The following STAMBP variants were observed in gnomAD, a reference collection of about 807,000 sequenced individuals.
STAMBP encodes the protein STAM-binding protein.
Under a neutral mutation model 50.7 loss-of-function variants are expected in STAMBP, and 31 were observed. The ratio of observed to expected loss-of-function variants is 0.61; its 90% CI spans 0.46 to 0.83. The LOEUF (loss-of-function observed/expected upper bound fraction) is 0.83, where lower values mean the gene tolerates loss of function less well. Ranked by LOEUF, STAMBP falls within the 40% of genes least tolerant of loss-of-function variation. STAMBP has a pLI of 0.00. For missense variants in STAMBP, 472 were observed against 518.9 expected (o/e 0.91, Z 0.88); for synonymous variants, 211 against 192.4 (o/e 1.10, Z -0.80).
At chr2:73,834,322 A>G (rs2104238012) in intron 2 of STAMBP, among the ~76,000 whole-genome samples, 1 of 132,086 alleles carries the variant, frequency 7.6e-6, no homozygotes, top group African/African-American at 2.8e-5. Context: ...AACTACTAAT[A>G]GCTTACTCTT....
chr2:73,841,678 T>C (rs1406345257), intron 2 of STAMBP, among the ~76,000 whole-genome samples: 3 of 152,132 alleles, frequency 2.0e-5, no homozygotes, highest in Non-Finnish European at 4.4e-5. Flanking sequence ...GCTAAAAGGT[T>C]GGACACCCCT....
intron 6 of STAMBP, 91 bp downstream of exon 6, chr2:73,849,578 G>A: frequency 6.8e-7 from 1 of 1,477,804 alleles, no homozygotes; most frequent in Non-Finnish European, 9.0e-7. Context: ...AAATATCCAG[G>A]GTCAGTTACT....
intron 2 of STAMBP, among the ~76,000 whole-genome samples, chr2:73,840,679 G>A (rs1301078360): frequency 6.6e-6 from 1 of 151,442 alleles, no homozygotes; most frequent in African/African-American, 2.4e-5. Context: ...GGGAGGTAGA[G>A]GTTGCAGTGA....
intron 8 of STAMBP, among the ~76,000 whole-genome samples, 168 bp downstream of exon 8, chr2:73,859,534 T>C (rs1368297462): frequency 4.6e-5 from 7 of 152,200 alleles, no homozygotes. Flanking sequence ...TCATGATTTA[T>C]CTATCATGCT....
chr2:73,852,918 G>T (rs924120624), intron 7 of STAMBP, among the ~76,000 whole-genome samples: 14 of 47,064 alleles, frequency 3.0e-4, no homozygotes, highest in Non-Finnish European at 4.6e-4. Context: ...TGTTGGCCAG[G>T]TGTGTGTGTG....
chr2:73,872,599 A>G (rs1679244421), intron 10 of STAMBP, among the ~76,000 whole-genome samples: 1 of 152,228 alleles, frequency 6.6e-6, no homozygotes. Flanking sequence ...ATGATCAATG[A>G]GTGTACGCAG....
chr2:73,845,673 C>CTAGGCTGGAGTGCA (rs1558573795), intron 4 of STAMBP, among the ~76,000 whole-genome samples: 1 of 150,916 alleles, frequency 6.6e-6, no homozygotes, highest in Non-Finnish European at 1.5e-5. Context: ...ACTCTGTCGC[C>CTAGGCTGGAGTGCA]TAGGCTGGAG....
At chr2:73,859,153 G>C in intron 7 of STAMBP, 101 bp from the exon 8 acceptor site, 1 of 835,488 alleles carries the variant, frequency 1.2e-6, no homozygotes, top group Middle Eastern at 2.3e-4. Context: ...TCAGATTGCA[G>C]TTGATATGGA....
At chr2:73,844,009 G>A (rs1236339106) in intron 2 of STAMBP, among the ~76,000 whole-genome samples, 1 of 152,212 alleles carries the variant, frequency 6.6e-6, no homozygotes, top group Non-Finnish European at 1.5e-5. Context: ...AGGCTCTGGA[G>A]CCAGCCTGCT....
intron 7 of STAMBP, among the ~76,000 whole-genome samples, chr2:73,851,381 G>T (rs116262523): frequency 0.013 from 1,982 of 152,352 alleles, 23 homozygotes; most frequent in Non-Finnish European, 0.02. Context: ...TCATGAAGGA[G>T]ATTAAATAAA....
intron 2 of STAMBP, among the ~76,000 whole-genome samples, chr2:73,838,164 G>C (rs1674959165): frequency 6.6e-6 from 1 of 152,144 alleles, no homozygotes. Flanking sequence ...ACCTGAAAGT[G>C]GCAAATTTTT....
intron 7 of STAMBP, among the ~76,000 whole-genome samples, chr2:73,853,272 A>G (rs1328060445): frequency 6.6e-6 from 1 of 152,180 alleles, no homozygotes; most frequent in Non-Finnish European, 1.5e-5. Flanking sequence ...TACCATTTTG[A>G]GCAACTTAGC....
In STAMBP at chr2:73,863,070, G is replaced by A. The variant is rs144431467; in HGVS notation, c.*811G>A. The A allele has an allele frequency of 5.3e-4, 80 of 152,308 alleles. No individual in the cohort carries two copies. Among genetic ancestry groups the A allele is most frequent in the Middle Eastern group, 3.4e-3 (1 of 294 alleles). 9.4% of individuals were successfully genotyped at this position (152,308 alleles called of 1,614,324 possible). ...CTGCCTGTTGCCATCTTCCAGAGGT[G>A]TTGTGAAGTCATCTCTGTTCTTTTG... is the stretch of plus-strand genomic sequence containing the variant. On this transcript the variant is annotated 3_prime_UTR_variant, in exon 10 of 10. Transcript: ENST00000394070.
At chr2:73,834,222 AAAAAAAAAAAAAAAATAT>A (rs1246609056) in intron 2 of STAMBP, among the ~76,000 whole-genome samples, 52 of 26,894 alleles carry the variant, frequency 1.9e-3, no homozygotes, top group Non-Finnish European at 3.4e-3. Context: ...AAAAAAAAAA[AAAAAAAAAAAAAAAATAT>A]ATATATATAT....
Position 73,844,893 on chromosome 2 carries a change from G to T in STAMBP, c.279+5G>T, listed in dbSNP as rs397509389. On this transcript the variant is annotated splice_donor_5th_base_variant and intron_variant, in intron 3 of 9. Coordinates refer to ENST00000394070, the MANE Select transcript of STAMBP (RefSeq NM_213622.4). ...GAAAAGAAAGACACAGTAAAGGTGG[G>T]TCTTCACTTTCATTGTTGCCCATCT... is the stretch of plus-strand genomic sequence containing the variant. 2.5e-5 allele frequency: 40 copies of T among 1,613,156 alleles called. No individual in the cohort carries two copies. Among genetic ancestry groups the T allele is most frequent in the Non-Finnish European group, 3.3e-5 (39 of 1,179,830 alleles).
rs1676264219 is a variant in STAMBP at position 73,847,459 on chromosome 2, G to A, written c.448G>A (p.Ala150Thr). 1.9e-6 allele frequency: 3 copies of A among 1,614,186 alleles called. No homozygotes were observed. Among genetic ancestry groups the A allele is most frequent in the East Asian group, 4.5e-5 (2 of 44,888 alleles). ...QELEKEKQRV[A>T]QQKQQQLEQE... ...GCTGGAAAAGGAAAAACAGAGGGTA[G>A]CACAACAGAAGCAGCAGCAATTGGA... Residue 150 changes from alanine (A) to threonine (T), a missense_variant, in exon 5 of 10, where the codon GCA becomes ACA. By Grantham distance (58) the Ala-to-Thr change is moderately conservative. Transcript: ENST00000394070.
At position 73,840,393 on chromosome 2, in the gene STAMBP, G is replaced by C. The variant is rs564500699; in HGVS notation, c.204-4420G>C. ...ATTTTTATACATATATCTTTGTACT[G>C]TTTTATAATGATCTCTAGGATAAAT... On this transcript the variant is annotated intron_variant, in intron 2 of 9. Coordinates refer to ENST00000394070, the MANE Select transcript of STAMBP (RefSeq NM_213622.4). Among the ~76,000 whole-genome samples, 166 of 137,552 alleles carry C rather than the reference G, an allele frequency of 1.2e-3. 6 individuals carry two copies. In the South Asian group the frequency reaches 0.036, roughly 30 times the overall value. The allele number at this position is 137,552 out of a possible 152,430, so 90.2% of individuals were successfully genotyped here.
In STAMBP at chr2:73,867,164, A is replaced by G. The variant is rs1678980527; in HGVS notation, c.*4905A>G. The G allele has an allele frequency of 6.6e-6, 1 of 152,250 alleles. No homozygotes were observed. Among genetic ancestry groups the G allele is most frequent in the African/African-American group, 2.4e-5 (1 of 41,468 alleles). 9.4% of individuals were successfully genotyped at this position (152,250 alleles called of 1,614,324 possible). ...GCACAGACTTGTCCAAAATCATCCA[A>G]TTAATAAATGGTAAGGCTTTGCTTT... On this transcript the variant is annotated 3_prime_UTR_variant, in exon 10 of 10. Transcript: ENST00000394070.
Position 73,850,563 on chromosome 2 carries a change from G to T in STAMBP, c.1005+50G>T. ...AGTTAGTCTCTGCCTCTCCCATGGT[G>T]GTATAAATACATGAGTGTTTCTTTG... On this transcript the variant is annotated intron_variant, in intron 7 of 9. Transcript: ENST00000394070. This position sits in a 1 kb window ranked among gnomAD's most constrained non-coding sequence, Gnocchi z 4.3. The T allele has an allele frequency of 6.4e-7, 1 of 1,562,906 alleles. No homozygotes were observed. The highest frequency in any genetic ancestry group is 8.7e-7 in the Non-Finnish European group (1 of 1,155,224).
Sources: gnomAD v4.1 joint callset for allele counts (sites outside exome capture counted in the v4.1 genomes callset) on GRCh38, gnomAD v4.1.1 for gene constraint, Gnocchi (gnomAD v3.1) non-coding constraint, MANE v1.5 for transcripts, NCBI Gene and HGNC (gene_info 2026-07-23, HGNC 2026-07-21) for gene names.